The following SPAG16 variants were observed in gnomAD, a reference collection of about 807,000 sequenced individuals.
The protein encoded by SPAG16 is sperm associated antigen 16.
SPAG16 carries 86 observed loss-of-function variants against 80.4 expected under a neutral mutation model. That is an observed-to-expected ratio of 1.07 (90% confidence interval 0.90 to 1.28). The LOEUF (loss-of-function observed/expected upper bound fraction) is 1.28, where lower values mean the gene tolerates loss of function less well. Among genes scored for constraint, SPAG16 ranks in the 50% most tolerant of loss-of-function variants. The probability of loss-of-function intolerance (pLI) is 0.00; values close to 1 mark genes in which losing one functional copy is unlikely to be tolerated. For missense variants in SPAG16, 870 were observed against 765.3 expected (o/e 1.14, Z -1.61); for synonymous variants, 294 against 265.9 (o/e 1.11, Z -1.03).
At chr2:214,340,264 A>G (rs1697580710) in intron 15 of SPAG16, among the ~76,000 whole-genome samples, 2 of 152,144 alleles carry the variant, frequency 1.3e-5, no homozygotes, top group South Asian at 2.1e-4. Flanking sequence ...TTCACAGCAT[A>G]TGGGAAGGGT....
intron 10 of SPAG16, among the ~76,000 whole-genome samples, chr2:213,708,184 T>C (rs182505529): frequency 8.7e-4 from 133 of 152,300 alleles, no homozygotes; most frequent in Non-Finnish European, 1.6e-3. Flanking sequence ...CAAAATATAG[T>C]GTTACTTATT....
At chr2:213,639,657 C>T (rs1022873698) in intron 10 of SPAG16, among the ~76,000 whole-genome samples, 2 of 152,030 alleles carry the variant, frequency 1.3e-5, no homozygotes, top group South Asian at 4.1e-4. Flanking sequence ...ATGATTTTAC[C>T]TCATAGCTCT....
chr2:213,491,858 A>G (rs2074247304), intron 10 of SPAG16, among the ~76,000 whole-genome samples: 1 of 152,202 alleles, frequency 6.6e-6, no homozygotes, highest in Admixed American at 6.5e-5. Context: ...TTTTGTAACA[A>G]TCTTCACTAG....
chr2:213,864,689 A>T (rs1057456241), intron 11 of SPAG16, among the ~76,000 whole-genome samples: 8 of 151,848 alleles, frequency 5.3e-5, no homozygotes, highest in African/African-American at 1.9e-4. Flanking sequence ...TGTTAGCTGG[A>T]TGTATTCCTG....
At chr2:213,758,463 G>A (rs1456786524) in intron 10 of SPAG16, among the ~76,000 whole-genome samples, 1 of 152,044 alleles carries the variant, frequency 6.6e-6, no homozygotes, top group South Asian at 2.1e-4. Flanking sequence ...TCAAGAAAAT[G>A]ATATATGAAC....
At chr2:214,078,489 G>A (rs1236212187) in intron 13 of SPAG16, among the ~76,000 whole-genome samples, 1 of 146,258 alleles carries the variant, frequency 6.8e-6, no homozygotes, top group Non-Finnish European at 1.5e-5. Context: ...CTAGGAGGTC[G>A]ACGCTGAAGT....
At chr2:214,355,334 A>C (rs1393767309) in intron 15 of SPAG16, among the ~76,000 whole-genome samples, 1 of 133,182 alleles carries the variant, frequency 7.5e-6, no homozygotes, top group Non-Finnish European at 1.7e-5. Context: ...AGAAAAAAAA[A>C]AAACAACCCC....
At chr2:213,759,574 A>G (rs887767341) in intron 10 of SPAG16, among the ~76,000 whole-genome samples, 9 of 152,146 alleles carry the variant, frequency 5.9e-5, no homozygotes, top group Non-Finnish European at 8.8e-5. Context: ...TTAGAATGTT[A>G]TATATGCAGG....
At chr2:214,150,122 G>A (rs1284353703) in intron 15 of SPAG16, among the ~76,000 whole-genome samples, 2 of 152,004 alleles carry the variant, frequency 1.3e-5, no homozygotes, top group Non-Finnish European at 2.9e-5. Flanking sequence ...AAGAAGTAAA[G>A]AACAAATAAG....
intron 12 of SPAG16, among the ~76,000 whole-genome samples, chr2:213,938,550 C>G (rs1258782057): frequency 6.6e-6 from 1 of 151,886 alleles, no homozygotes; most frequent in Non-Finnish European, 1.5e-5. Context: ...TATGTGTTAT[C>G]TATGACTCCA....
At chr2:213,920,316 C>T (rs1194918243) in intron 11 of SPAG16, among the ~76,000 whole-genome samples, 3 of 152,168 alleles carry the variant, frequency 2.0e-5, no homozygotes, top group Admixed American at 2.0e-4. Flanking sequence ...TGAATGTGAT[C>T]CTGTCATCAT....
chr2:213,656,929 A>C (rs2125166961), intron 10 of SPAG16, among the ~76,000 whole-genome samples: 1 of 152,306 alleles, frequency 6.6e-6, no homozygotes, highest in African/African-American at 2.4e-5. Context: ...TACAGTTTAA[A>C]ATTAAACTTA....
At chr2:213,643,411 T>A (rs1258638803) in intron 10 of SPAG16, among the ~76,000 whole-genome samples, 1 of 106,716 alleles carries the variant, frequency 9.4e-6, no homozygotes, top group Non-Finnish European at 2.0e-5. Context: ...TATATATATA[T>A]TTTATCTCTT....
chr2:213,921,602 G>T (rs987755102), intron 11 of SPAG16, among the ~76,000 whole-genome samples: 3 of 152,178 alleles, frequency 2.0e-5, no homozygotes, highest in Admixed American at 6.5e-5. Context: ...ATGCAGACTT[G>T]TCTGTGTGGT....
At chr2:213,491,364 AT>A (rs1234059868) in intron 10 of SPAG16, among the ~76,000 whole-genome samples, 3 of 152,236 alleles carry the variant, frequency 2.0e-5, no homozygotes, top group Admixed American at 1.3e-4. Context: ...TTTATCTAAA[AT>A]AAGAACTTCA....
At chr2:213,776,433 C>G (rs1336879111) in intron 10 of SPAG16, among the ~76,000 whole-genome samples, 1 of 152,196 alleles carries the variant, frequency 6.6e-6, no homozygotes, top group Admixed American at 6.5e-5. Flanking sequence ...TGAAGCTCTT[C>G]TGGGTCCTTG....
Position 214,227,501 on chromosome 2 carries a change from C to T in SPAG16, c.1720+78235C>T, listed in dbSNP as rs1576543469. ...AGTTAGGACTCCAATATGTACTTACCCATATCCCAAAGACCCGTATTCTGT... is the reference window on the plus strand; with the variant it reads ...AGTTAGGACTCCAATATGTACTTACTCATATCCCAAAGACCCGTATTCTGT... On this transcript the variant is annotated intron_variant, in intron 15 of 15. Coordinates refer to ENST00000331683, the MANE Select transcript of SPAG16 (RefSeq NM_024532.5). 2.6e-5 allele frequency among the ~76,000 whole-genome samples: 4 copies of T among 151,930 alleles called. 1 individual carries two copies. The South Asian group carries it at 8.3e-4, about 32-fold the overall frequency.
intron 15 of SPAG16, among the ~76,000 whole-genome samples, chr2:214,359,302 G>A (rs1258215682): frequency 6.6e-6 from 1 of 151,762 alleles, no homozygotes; most frequent in Non-Finnish European, 1.5e-5. Flanking sequence ...AATTGGGGGG[G>A]TTTAAACTCA....
intron 10 of SPAG16, among the ~76,000 whole-genome samples, chr2:213,644,663 C>T (rs1304221728): frequency 6.6e-6 from 1 of 152,232 alleles, no homozygotes; most frequent in African/African-American, 2.4e-5. Context: ...GGGAGACACT[C>T]TTGTTCTCTT....
Sources: allele counts gnomAD v4.1 joint callset (sites outside exome capture counted in the v4.1 genomes callset), GRCh38; gene constraint gnomAD v4.1.1; transcripts MANE v1.5; gene names NCBI Gene and HGNC (gene_info 2026-07-23, HGNC 2026-07-21).